The following DGKB variants were observed in gnomAD, a reference collection of about 807,000 sequenced individuals.
DGKB encodes 90 kDa diacylglycerol kinase.
In DGKB, 67 loss-of-function variants were observed where a neutral mutation model predicts 114.3. The ratio of observed to expected loss-of-function variants is 0.59; its 90% CI spans 0.48 to 0.72. The LOEUF (loss-of-function observed/expected upper bound fraction) is 0.72. DGKB is among the 30% of genes least tolerant of loss of function. The pLI is 0.00. For synonymous variants in DGKB, 398 were observed against 323.1 expected (o/e 1.23, Z -2.49); for missense variants, 907 against 975.2 (o/e 0.93, Z 0.93).
intron 21 of DGKB, 147 bp from the exon 22 acceptor site, chr7:14,345,538 C>G (rs1812340221): frequency 1.9e-6 from 1 of 538,786 alleles, no homozygotes; most frequent in African/African-American, 1.9e-5. Context: ...ATATAATTTT[C>G]AAAGCTTAAA....
chr7:14,744,646 G>A (rs573999051), intron 4 of DGKB, among the ~76,000 whole-genome samples: 1 of 152,190 alleles, frequency 6.6e-6, no homozygotes, highest in Admixed American at 6.5e-5. Context: ...AAAAGTGTAT[G>A]TAAGAATAAT....
intron 20 of DGKB, among the ~76,000 whole-genome samples, chr7:14,508,075 C>T (rs1404255461): frequency 6.6e-6 from 1 of 152,162 alleles, no homozygotes; most frequent in East Asian, 1.9e-4. Context: ...AATAGACAAT[C>T]AGGCGGCATA....
intron 1 of DGKB, among the ~76,000 whole-genome samples, chr7:14,859,095 A>C (rs1024424304): frequency 2.0e-5 from 3 of 152,134 alleles, no homozygotes; most frequent in African/African-American, 7.2e-5. Flanking sequence ...TGTGTTGTTC[A>C]CCAGGAGCAA....
chr7:14,164,996 T>G (rs989936775), intron 25 of DGKB, among the ~76,000 whole-genome samples: 1 of 152,064 alleles, frequency 6.6e-6, no homozygotes, highest in African/African-American at 2.4e-5. Flanking sequence ...TAAATAACTC[T>G]CCAAAGTCCA....
At chr7:14,411,049 C>T (rs946498248) in intron 21 of DGKB, among the ~76,000 whole-genome samples, 2 of 152,112 alleles carry the variant, frequency 1.3e-5, no homozygotes, top group African/African-American at 4.8e-5. Context: ...TGAGATGCTG[C>T]GCAGTGGCAG....
At chr7:14,748,168 C>A (rs1341104059) in intron 4 of DGKB, among the ~76,000 whole-genome samples, 2 of 152,156 alleles carry the variant, frequency 1.3e-5, no homozygotes, top group African/African-American at 4.8e-5. Context: ...CTGCACCAGG[C>A]TCTGTTCTAG....
rs79076919 is a variant in DGKB, at chr7:14,876,836, T to G, written c.-188+25756A>C. ...TAGCAAAATTATCATACATTCAGTG[T>G]AAATATTTGTATTCAGTTGAATCAA... On this transcript the variant is annotated intron_variant, in intron 1 of 25. Coordinates refer to ENST00000402815, the MANE Select transcript of DGKB (RefSeq NM_001350709.2). Among the ~76,000 whole-genome samples, 992 of 152,342 alleles carry G rather than the reference T, an allele frequency of 6.5e-3. 9 individuals are homozygous for G. Among genetic ancestry groups the G allele is most frequent in the African/African-American group, 0.023 (939 of 41,584 alleles).
chr7:14,957,874 T>C (rs1268355327), intron 1 of DGKB, among the ~76,000 whole-genome samples: 1 of 152,076 alleles, frequency 6.6e-6, no homozygotes, highest in Non-Finnish European at 1.5e-5. Flanking sequence ...AATAAAAAGA[T>C]AGTGAAAGTT....
chr7:14,300,982 G>A (rs1331774137), intron 23 of DGKB, among the ~76,000 whole-genome samples: 1 of 17,040 alleles, frequency 5.9e-5, no homozygotes, highest in Non-Finnish European at 1.9e-4. Flanking sequence ...ATGCAGATTA[G>A]ATTGGATTTT....
At chr7:14,425,659 T>C (rs748980182) in intron 21 of DGKB, among the ~76,000 whole-genome samples, 5 of 152,164 alleles carry the variant, frequency 3.3e-5, no homozygotes, top group Non-Finnish European at 7.4e-5. Context: ...TCTCCTGCTT[T>C]GAGAATAAAC....
intron 1 of DGKB, among the ~76,000 whole-genome samples, chr7:14,939,621 CTTTTTTTTTTTT>C (rs60427374): frequency 1.1e-4 from 9 of 84,146 alleles, no homozygotes; most frequent in Non-Finnish European, 1.6e-4. Flanking sequence ...AAATATAATA[CTTTTTTTTTTTT>C]TTTTTTTTTT....
chr7:14,532,661 A>G (rs767326983), intron 20 of DGKB, among the ~76,000 whole-genome samples: 8 of 151,558 alleles, frequency 5.3e-5, no homozygotes, highest in Non-Finnish European at 8.9e-5. Flanking sequence ...CAAAATTGAA[A>G]TGAAAAATAG....
intron 21 of DGKB, among the ~76,000 whole-genome samples, chr7:14,420,722 C>T (rs1228820650): frequency 6.6e-6 from 1 of 151,998 alleles, no homozygotes; most frequent in East Asian, 1.9e-4. Flanking sequence ...GAAGTTTCAC[C>T]TATATGTGGC....
intron 21 of DGKB, among the ~76,000 whole-genome samples, chr7:14,368,146 T>A (rs1817004646): frequency 6.6e-6 from 1 of 150,536 alleles, no homozygotes; most frequent in South Asian, 2.1e-4. Context: ...CCCCCACATA[T>A]GCACAGTCCC....
chr7:14,747,775 G>GCGCGCGCGCGCACACACACACACACA lies in DGKB; in HGVS notation c.168+6152_168+6153insTGTGTGTGTGTGTGTGCGCGCGCGCG. On this transcript the variant is annotated intron_variant, in intron 4 of 25. Coordinates refer to ENST00000402815, the MANE Select transcript of DGKB (RefSeq NM_001350709.2). ...GCTGTGGGCTCAAACACATCCACGC[G>GCGCGCGCGCGCACACACACACACACA]CACGCACACACACACACACACACAC... Among the ~76,000 whole-genome samples the GCGCGCGCGCGCACACACACACACACA allele has an allele frequency of 1.1e-3, 161 of 149,276 alleles. 1 individual carries two copies. Among genetic ancestry groups the GCGCGCGCGCGCACACACACACACACA allele is most frequent in the African/African-American group, 2.5e-3 (99 of 39,694 alleles).
chr7:14,365,784 A>C (rs1305522879), intron 21 of DGKB, among the ~76,000 whole-genome samples: 1 of 152,088 alleles, frequency 6.6e-6, no homozygotes, highest in South Asian at 2.1e-4. Flanking sequence ...TCTGTAAAAA[A>C]ATATAATTAG....
chr7:14,752,857 G>T (rs1834318887), intron 4 of DGKB, among the ~76,000 whole-genome samples: 1 of 152,096 alleles, frequency 6.6e-6, no homozygotes, highest in South Asian at 2.1e-4. Context: ...CTACATTAGA[G>T]TAAATGAAAA....
intron 5 of DGKB, among the ~76,000 whole-genome samples, chr7:14,721,629 T>C (rs1477863543): frequency 6.6e-6 from 1 of 152,146 alleles, no homozygotes; most frequent in Admixed American, 6.5e-5. Context: ...CAGTTTTACA[T>C]TTAAATAGCT....
At chr7:14,220,603 G>T (rs1271297216) in intron 23 of DGKB, among the ~76,000 whole-genome samples, 1 of 151,412 alleles carries the variant, frequency 6.6e-6, no homozygotes, top group Non-Finnish European at 1.5e-5. Context: ...ATTTTGGCCT[G>T]AATCTCTTGC....
Sources: allele counts gnomAD v4.1 joint callset (sites outside exome capture counted in the v4.1 genomes callset), GRCh38; gene constraint gnomAD v4.1.1; transcripts MANE v1.5; gene names NCBI Gene and HGNC (gene_info 2026-07-23, HGNC 2026-07-21).